BNC2: variants seen among roughly 807,000 people sequenced by gnomAD.
BNC2 encodes the protein zinc finger protein basonuclin-2.
BNC2 carries 20 observed loss-of-function variants against 76.3 expected under a neutral mutation model. The observed-to-expected ratio is 0.26, with a 90% CI of 0.18 to 0.38. BNC2 has a LOEUF of 0.38. Among genes scored for constraint, BNC2 ranks in the 10% least tolerant of loss-of-function variants. The pLI, the probability that BNC2 is intolerant of heterozygous loss-of-function variation, is 1.00. For synonymous variants in BNC2, 582 were observed against 514.8 expected (o/e 1.13, Z -1.77); for missense variants, 1,382 against 1,399.8 (o/e 0.99, Z 0.20).
intron 5 of BNC2, among the ~76,000 whole-genome samples, chr9:16,535,378 T>TC (rs1341120134): frequency 6.6e-6 from 1 of 152,200 alleles, no homozygotes; most frequent in African/African-American, 2.4e-5. Flanking sequence ...TGCATGAATG[T>TC]CCTATGTTCA....
intron 1 of BNC2, among the ~76,000 whole-genome samples, chr9:16,747,562 G>C (rs1053219704): frequency 6.6e-6 from 1 of 152,168 alleles, no homozygotes; most frequent in African/African-American, 2.4e-5. Context: ...GAAGCTAAGA[G>C]AGTTTAGTCA....
chr9:16,679,331 T>C (rs1038609598), intron 3 of BNC2, among the ~76,000 whole-genome samples: 1 of 152,184 alleles, frequency 6.6e-6, no homozygotes, highest in Non-Finnish European at 1.5e-5. Context: ...TTTGATACAG[T>C]GATCCTACAA....
chr9:16,564,935 A>G (rs149533346), intron 4 of BNC2, among the ~76,000 whole-genome samples: 12 of 152,272 alleles, frequency 7.9e-5, no homozygotes, highest in African/African-American at 2.6e-4. Context: ...ATTCAAAATT[A>G]TCTCTGACTA....
intron 1 of BNC2, among the ~76,000 whole-genome samples, chr9:16,858,276 C>T (rs1035763316): frequency 5.3e-5 from 8 of 152,118 alleles, no homozygotes; most frequent in Admixed American, 2.0e-4. Context: ...TCTTATCATA[C>T]GGAACACCTA....
intron 1 of BNC2, among the ~76,000 whole-genome samples, chr9:16,796,300 A>C (rs1586890926): frequency 6.6e-6 from 1 of 152,348 alleles, no homozygotes; most frequent in Non-Finnish European, 1.5e-5. Context: ...ATTTCACAAA[A>C]GTCTAGTCCT....
intron 5 of BNC2, among the ~76,000 whole-genome samples, chr9:16,547,576 G>C (rs1054114040): frequency 6.6e-6 from 1 of 152,156 alleles, no homozygotes; most frequent in Non-Finnish European, 1.5e-5. Flanking sequence ...GGAGTTTGAA[G>C]GAAACAGAGT....
chr9:16,671,131 A>G (rs1018167620), intron 3 of BNC2, among the ~76,000 whole-genome samples: 1 of 152,208 alleles, frequency 6.6e-6, no homozygotes, highest in Middle Eastern at 3.4e-3. Flanking sequence ...TGATCATCTC[A>G]GTAATTCATC....
chr9:16,631,942 G>C (rs1302336928), intron 3 of BNC2, among the ~76,000 whole-genome samples: 1 of 152,196 alleles, frequency 6.6e-6, no homozygotes, highest in African/African-American at 2.4e-5. Context: ...TTCCACGATA[G>C]GAAATAGCAC....
chr9:16,814,097 C>T (rs2135882139), intron 1 of BNC2, among the ~76,000 whole-genome samples: 1 of 152,280 alleles, frequency 6.6e-6, no homozygotes, highest in Non-Finnish European at 1.5e-5. Context: ...TGTTTTCTGG[C>T]CCTACTTGTT....
At chr9:16,845,450 G>C (rs762926008) in intron 1 of BNC2, among the ~76,000 whole-genome samples, 1 of 152,162 alleles carries the variant, frequency 6.6e-6, no homozygotes, top group African/African-American at 2.4e-5. Flanking sequence ...GGCCGGGCGC[G>C]GTGGCTCACA....
At chr9:16,455,018 T>G (rs1327266495) in intron 5 of BNC2, among the ~76,000 whole-genome samples, 5 of 151,702 alleles carry the variant, frequency 3.3e-5, no homozygotes, top group African/African-American at 4.8e-5. Context: ...GAAAAACAAG[T>G]TGGAAAGAAA....
intron 3 of BNC2, among the ~76,000 whole-genome samples, chr9:16,665,387 AG>A (rs1186876942): frequency 0.047 from 105 of 2,258 alleles, 1 homozygote; most frequent in Non-Finnish European, 0.058. Context: ...AAAAAAAAAA[AG>A]AGAGAGAGAG....
chr9:16,814,875 A>C (rs1215854920), intron 1 of BNC2, among the ~76,000 whole-genome samples: 2 of 152,120 alleles, frequency 1.3e-5, no homozygotes, highest in East Asian at 3.9e-4. Context: ...CTTCCCTATT[A>C]GTTCTAAGAC....
intron 5 of BNC2, among the ~76,000 whole-genome samples, chr9:16,442,000 T>G (rs1821138374): frequency 6.6e-6 from 1 of 152,202 alleles, no homozygotes; most frequent in African/African-American, 2.4e-5. Context: ...TATGTTAACA[T>G]CAGAGTACAT....
intron 5 of BNC2, among the ~76,000 whole-genome samples, chr9:16,442,361 G>C (rs1821145335): frequency 2.0e-5 from 3 of 152,168 alleles, no homozygotes; most frequent in Admixed American, 2.0e-4. Flanking sequence ...CATTGGAACT[G>C]GTGATTATCA....
At chr9:16,449,988 A>G (rs1015317989) in intron 5 of BNC2, among the ~76,000 whole-genome samples, 1 of 152,114 alleles carries the variant, frequency 6.6e-6, no homozygotes, top group Non-Finnish European at 1.5e-5. Flanking sequence ...TATAAGCCAC[A>G]CTCTTCAGCT....
chr9:16,668,317 G>A lies in BNC2; in HGVS notation c.330+59480C>T, dbSNP rs887406541. Among the ~76,000 whole-genome samples, 12 of 152,080 alleles carry A rather than the reference G, an allele frequency of 7.9e-5. 1 individual carries two copies. The East Asian group carries it at 1.7e-3, about 22-fold the overall frequency. ...ACACTGCCAGCCCCTGGCATACCGCGGGAGCTCGATGTGTTAATTAAGTAT... is the reference window on the plus strand; with the variant it reads ...ACACTGCCAGCCCCTGGCATACCGCAGGAGCTCGATGTGTTAATTAAGTAT... On this transcript the variant is annotated intron_variant, in intron 3 of 6. Coordinates refer to ENST00000380672, the MANE Select transcript of BNC2 (RefSeq NM_017637.6).
At chr9:16,807,252 T>C (rs893461012) in intron 1 of BNC2, among the ~76,000 whole-genome samples, 2 of 152,302 alleles carry the variant, frequency 1.3e-5, no homozygotes, top group East Asian at 1.9e-4. Context: ...ATAAGAATAA[T>C]GGCAAATGCA....
intron 4 of BNC2, among the ~76,000 whole-genome samples, chr9:16,582,358 T>C (rs1311938466): frequency 6.6e-6 from 1 of 151,998 alleles, no homozygotes; most frequent in Non-Finnish European, 1.5e-5. Flanking sequence ...TCAACACTCA[T>C]ATCCTTCGCG....
Sources: allele counts gnomAD v4.1 joint callset (sites outside exome capture counted in the v4.1 genomes callset), GRCh38; gene constraint gnomAD v4.1.1; transcripts MANE v1.5; gene names NCBI Gene and HGNC (gene_info 2026-07-23, HGNC 2026-07-21).